The following DHX15 variants were observed in gnomAD, a reference collection of about 807,000 sequenced individuals.
DHX15 encodes the protein DEAH-box helicase 15.
A neutral mutation model predicts 94.4 loss-of-function variants in DHX15; 11 were observed. That is an observed-to-expected ratio of 0.12 (90% CI 0.07 to 0.19). The LOEUF (loss-of-function observed/expected upper bound fraction) is 0.19, where lower values mean the gene tolerates loss of function less well. Ranked by LOEUF, DHX15 falls within the 10% of genes least tolerant of loss-of-function variation. The probability of loss-of-function intolerance (pLI) is 1.00; values close to 1 mark genes in which losing one functional copy is unlikely to be tolerated. For synonymous variants in DHX15, 338 were observed against 329.9 expected, an observed-to-expected ratio of 1.02 and a Z score of -0.27; for missense variants, 304 against 988.5, an observed-to-expected ratio of 0.31 and a Z score of 9.29.
At position 24,542,159 on chromosome 4, in the gene DHX15, T is replaced by C. The variant is rs367708690; in HGVS notation, c.1336-137A>G. ...ATAGCCATAAATCATGCTGCTACAA[T>C]AGACAACCCACCATCCTGAACCTTA... On this transcript the variant is annotated intron_variant, in intron 7 of 13. Transcript: ENST00000336812. 8.3e-4 allele frequency: 559 copies of C among 676,346 alleles called. 1 individual carries two copies. Among genetic ancestry groups the C allele is most frequent in the Non-Finnish European group, 1.1e-3 (459 of 431,568 alleles). 41.9% of individuals were successfully genotyped at this position (676,346 alleles called of 1,614,324 possible).
intron 3 of DHX15, among the ~76,000 whole-genome samples, chr4:24,562,314 G>A (rs537037109): frequency 6.6e-6 from 1 of 152,166 alleles, no homozygotes; most frequent in South Asian, 2.1e-4. Flanking sequence ...TAGATTTACT[G>A]TTCTCCATAT....
intron 12 of DHX15, 127 bp from the exon 13 acceptor site, chr4:24,529,897 A>G: frequency 1.0e-6 from 1 of 964,992 alleles, no homozygotes; most frequent in Non-Finnish European, 1.6e-6. Context: ...CTTATTTATC[A>G]CTGTCTGATA....
intron 3 of DHX15, among the ~76,000 whole-genome samples, chr4:24,568,153 C>G (rs1722037265): frequency 1.3e-5 from 2 of 152,168 alleles, no homozygotes; most frequent in African/African-American, 4.8e-5. Flanking sequence ...GCTCCTCAAA[C>G]ATAATCTGCC....
intron 1 of DHX15, among the ~76,000 whole-genome samples, chr4:24,583,200 G>T (rs574944397): frequency 1.3e-5 from 2 of 152,260 alleles, no homozygotes; most frequent in East Asian, 3.9e-4. Context: ...GGTTTTGCCT[G>T]AATTATCCAA....
At chr4:24,568,528 GTTAC>G (rs1280316797) in intron 3 of DHX15, among the ~76,000 whole-genome samples, 1 of 152,020 alleles carries the variant, frequency 6.6e-6, no homozygotes, top group African/African-American at 2.4e-5. Flanking sequence ...TATAAAATCT[GTTAC>G]TTGTCATTCC....
At chr4:24,555,046 G>A in intron 4 of DHX15, 103 bp from the exon 5 acceptor site, 1 of 774,360 alleles carries the variant, frequency 1.3e-6, no homozygotes, top group Non-Finnish European at 2.0e-6. Flanking sequence ...CTATAAAAAT[G>A]CCCATGAAAA....
intron 3 of DHX15, among the ~76,000 whole-genome samples, chr4:24,560,858 T>C (rs952504258): frequency 1.8e-4 from 27 of 152,018 alleles, no homozygotes; most frequent in Non-Finnish European, 3.5e-4. Context: ...TCACAGAAAA[T>C]AAATGCAAAT....
In DHX15 at chr4:24,545,777, G is replaced by C. The variant is rs144615859; in HGVS notation, c.1249-2751C>G. Among the ~76,000 whole-genome samples, 543 of 152,306 alleles carry C rather than the reference G, an allele frequency of 3.6e-3. 2 individuals carry two copies. Among genetic ancestry groups the C allele is most frequent in the African/African-American group, 0.012 (516 of 41,576 alleles). On this transcript the variant is annotated intron_variant, in intron 6 of 13. Coordinates refer to ENST00000336812, the MANE Select transcript of DHX15 (RefSeq NM_001358.3). ...CAGGAGACAAAATGACCTTGAATTTGTCAAGGGATTTACATTATGACCAGT... is the reference window on the plus strand; with the variant it reads ...CAGGAGACAAAATGACCTTGAATTTCTCAAGGGATTTACATTATGACCAGT...
Position 24,541,033 on chromosome 4 carries a change from G to C in DHX15, c.1486-85C>G, listed in dbSNP as rs575447665. 837 of 721,576 alleles carry C rather than the reference G, an allele frequency of 1.2e-3. 2 individuals are homozygous for C. Among genetic ancestry groups the C allele is most frequent in the Non-Finnish European group, 1.5e-3 (643 of 422,686 alleles). The allele number at this position is 721,576 out of a possible 1,614,324, so 44.7% of individuals were successfully genotyped here. ...AGAAAACAAAAATCTGCTGCCTCCT[G>C]AGCTATTTGTTTTGGCATTACTTCT... is the stretch of plus-strand genomic sequence containing the variant. On this transcript the variant is annotated intron_variant, in intron 8 of 13. Coordinates refer to ENST00000336812, the MANE Select transcript of DHX15 (RefSeq NM_001358.3).
At chr4:24,548,536 A>G (rs1197242266) in intron 6 of DHX15, among the ~76,000 whole-genome samples, 1 of 152,242 alleles carries the variant, frequency 6.6e-6, no homozygotes, top group Non-Finnish European at 1.5e-5. Flanking sequence ...AATTATGGGC[A>G]GAAGGCCAAG....
Position 24,527,747 on chromosome 4 carries a change from G to A in DHX15, c.*177C>T. On this transcript the variant is annotated 3_prime_UTR_variant, in exon 14 of 14. Coordinates refer to ENST00000336812, the MANE Select transcript of DHX15 (RefSeq NM_001358.3). ...TATGAGCTACAGTGTCAACACAAAA[G>A]GGAGGCATAAATGTTTAATTTATGA... 1 of 537,036 alleles carries A rather than the reference G, an allele frequency of 1.9e-6. No homozygotes were observed. 33.3% of individuals were successfully genotyped at this position (537,036 alleles called of 1,614,324 possible). A position where few individuals can be genotyped will look rare whatever the true frequency, so the allele number is the denominator to read the frequency against.
chr4:24,534,720 GACA>G (rs765718321), intron 11 of DHX15, among the ~76,000 whole-genome samples: 18 of 151,982 alleles, frequency 1.2e-4, no homozygotes, highest in Non-Finnish European at 1.9e-4. Context: ...ATAGTATTAA[GACA>G]ACATTTTAAT....
At position 24,532,365 on chromosome 4, in the gene DHX15, T is replaced by C. The variant is rs116566731; in HGVS notation, c.2100+499A>G. ...GAGGACTGTAAATGAAATCCACGTATTTGAATATTTGAATTTGGAGGTGCT... is the reference window on the plus strand; with the variant it reads ...GAGGACTGTAAATGAAATCCACGTACTTGAATATTTGAATTTGGAGGTGCT... On this transcript the variant is annotated intron_variant, in intron 12 of 13. Coordinates refer to ENST00000336812, the MANE Select transcript of DHX15 (RefSeq NM_001358.3). Among the ~76,000 whole-genome samples the C allele has an allele frequency of 8.7e-3, 1,330 of 152,324 alleles. 25 individuals are homozygous for C. The highest frequency in any genetic ancestry group is 0.03 in the African/African-American group (1,233 of 41,578).
At chr4:24,552,000 A>T (rs1320028008) in intron 5 of DHX15, among the ~76,000 whole-genome samples, 1 of 152,244 alleles carries the variant, frequency 6.6e-6, no homozygotes, top group Non-Finnish European at 1.5e-5. Flanking sequence ...GCATCTCTAA[A>T]ATGTGGAAGA....
chr4:24,539,957 C>G (rs1721276020), intron 10 of DHX15, 151 bp downstream of exon 10: 1 of 507,392 alleles, frequency 2.0e-6, no homozygotes, highest in African/African-American at 2.0e-5. Flanking sequence ...CATTACGAAG[C>G]TATTTACAAG....
Position 24,576,441 on chromosome 4 carries a change from G to C in DHX15, c.309C>G (p.Ala103=). Residue 103 remains alanine, a synonymous_variant, in exon 2 of 14, where the codon GCC becomes GCG. Transcript: ENST00000336812. The stretch of plus-strand genomic sequence containing the variant: ...GAAGTGACGTGTGACCTGCATGTCC[G>C]GCATGCGTTGAATGAGCAGAATGTG... ...HSTHSAHSTH[A]GHAGHTSLPQ... 6.2e-7 allele frequency: 1 copy of C among 1,614,168 alleles called. No homozygotes were observed. The highest frequency in any genetic ancestry group is 8.5e-7 in the Non-Finnish European group (1 of 1,180,030).
At chr4:24,571,359 G>C (rs146736446) in intron 2 of DHX15, among the ~76,000 whole-genome samples, 39 of 152,276 alleles carry the variant, frequency 2.6e-4, no homozygotes, top group African/African-American at 8.4e-4. Context: ...CTCAGGAGCA[G>C]TATGCACAAT....
At chr4:24,544,081 T>G (rs1269368097) in intron 6 of DHX15, among the ~76,000 whole-genome samples, 1 of 152,150 alleles carries the variant, frequency 6.6e-6, no homozygotes, top group East Asian at 1.9e-4. Context: ...GGTTAAGACC[T>G]ACTCATGAGA....
At chr4:24,579,534 G>A (rs1577353171) in intron 1 of DHX15, among the ~76,000 whole-genome samples, 2 of 152,162 alleles carry the variant, frequency 1.3e-5, no homozygotes, top group African/African-American at 4.8e-5. Flanking sequence ...GAGCAGGGAG[G>A]GAGGTATGAC....
Sources: allele counts gnomAD v4.1 joint callset (sites outside exome capture counted in the v4.1 genomes callset), GRCh38; gene constraint gnomAD v4.1.1; transcripts MANE v1.5; gene names NCBI Gene and HGNC (gene_info 2026-07-23, HGNC 2026-07-21).